The following PTPN5 variants were observed in gnomAD, a reference collection of about 807,000 sequenced individuals.
The protein encoded by PTPN5 is tyrosine-protein phosphatase non-receptor type 5.
PTPN5 carries 29 observed loss-of-function variants against 73.9 expected under a neutral mutation model. The ratio of observed to expected loss-of-function variants is 0.39; its 90% confidence interval spans 0.29 to 0.54. PTPN5 has a LOEUF of 0.54. Ranked by LOEUF, PTPN5 falls within the 20% of genes least tolerant of loss-of-function variation. PTPN5 has a pLI of 0.65. For synonymous variants in PTPN5, 267 were observed against 304.7 expected (o/e 0.88, Z 1.29); for missense variants, 652 against 751.4 (o/e 0.87, Z 1.55).
At chr11:18,759,907 CAG>C (rs887022680) in intron 3 of PTPN5, among the ~76,000 whole-genome samples, 2 of 150,048 alleles carry the variant, frequency 1.3e-5, no homozygotes, top group South Asian at 2.2e-4. Flanking sequence ...TTTGTGAAAA[CAG>C]GGGCTAGCAG....
At chr11:18,773,351 G>A (rs1212195705) in intron 1 of PTPN5, among the ~76,000 whole-genome samples, 1 of 152,040 alleles carries the variant, frequency 6.6e-6, no homozygotes, top group Non-Finnish European at 1.5e-5. Context: ...GGGGTCTCCG[G>A]GCCTGGGAAG....
intron 3 of PTPN5, chr11:18,749,533 G>A (rs1849791281): frequency 1.9e-6 from 1 of 518,444 alleles, no homozygotes; most frequent in Admixed American, 1.9e-5. Flanking sequence ...GGGGGCCACG[G>A]TGCAGATTTT....
At chr11:18,743,655 C>A in intron 4 of PTPN5, 1 of 594,418 alleles carries the variant, frequency 1.7e-6, no homozygotes, top group Non-Finnish European at 3.0e-6. Context: ...AAGCCCTTTC[C>A]AGAGAGGACC....
Position 18,742,518 on chromosome 11 carries a change from C to T in PTPN5, c.484-15G>A, listed in dbSNP as rs544923448. The stretch of plus-strand genomic sequence containing the variant: ...AGGTGCCACACCTGGTTGGGGTGTA[C>T]AGCATCACAGATTTCGGACCACGCT... On this transcript the variant is annotated splice_polypyrimidine_tract_variant and intron_variant, in intron 6 of 14. Coordinates refer to ENST00000358540, the MANE Select transcript of PTPN5 (RefSeq NM_006906.2). This position sits in a 1 kb window ranked among gnomAD's most constrained non-coding sequence, Gnocchi z 4.1. 5.0e-6 allele frequency: 8 copies of T among 1,610,870 alleles called. No individual in the cohort carries two copies. The highest frequency in any genetic ancestry group is 2.2e-5 in the East Asian group (1 of 44,840).
intron 1 of PTPN5, among the ~76,000 whole-genome samples, chr11:18,788,919 G>A (rs890488639): frequency 3.3e-5 from 5 of 152,240 alleles, no homozygotes; most frequent in African/African-American, 1.2e-4. Flanking sequence ...TATAGGAAGA[G>A]CTTTTGACAC....
At chr11:18,790,600 T>A (rs1344393785) in intron 1 of PTPN5, among the ~76,000 whole-genome samples, 1 of 152,082 alleles carries the variant, frequency 6.6e-6, no homozygotes, top group Non-Finnish European at 1.5e-5. Context: ...CCTCTCCCCT[T>A]TTTTTGGTAC....
At position 18,742,921 on chromosome 11, in the gene PTPN5, G is replaced by T; in HGVS notation, c.483+71C>A. On this transcript the variant is annotated intron_variant, in intron 6 of 14. Transcript: ENST00000358540. This position sits in a 1 kb window ranked among gnomAD's most constrained non-coding sequence, Gnocchi z 4.1. The stretch of plus-strand genomic sequence containing the variant: ...AATGTCCAGCCTATAAGTCAGATGG[G>T]AGCTGGTAGAAATCCAGGCCTCAAG... 9.8e-7 allele frequency: 1 copy of T among 1,018,206 alleles called. No individual in the cohort carries two copies. The highest frequency in any genetic ancestry group is 1.5e-6 in the Non-Finnish European group (1 of 662,980). 63.1% of individuals were successfully genotyped at this position (1,018,206 alleles called of 1,614,324 possible). A position where few individuals can be genotyped will look rare whatever the true frequency, so the allele number is the denominator to read the frequency against.
intron 3 of PTPN5, among the ~76,000 whole-genome samples, chr11:18,761,714 A>G (rs1850398492): frequency 6.6e-6 from 1 of 152,132 alleles, no homozygotes; most frequent in South Asian, 2.1e-4. Context: ...GTCATTTTCA[A>G]GAGTGTGCGT....
intron 3 of PTPN5, among the ~76,000 whole-genome samples, chr11:18,752,018 G>T (rs376250271): frequency 6.3e-4 from 96 of 152,266 alleles, no homozygotes; most frequent in African/African-American, 2.2e-3. Flanking sequence ...ATCACATGAG[G>T]ACAGGAGTTC....
chr11:18,791,354 C>T (rs894715896), intron 1 of PTPN5, among the ~76,000 whole-genome samples, 171 bp downstream of exon 1: 10 of 152,202 alleles, frequency 6.6e-5, no homozygotes, highest in Non-Finnish European at 1.3e-4. Context: ...GGACCCCTCC[C>T]CCAGCATGCG....
chr11:18,732,544 G>T (rs1184418910), intron 12 of PTPN5, 48 bp downstream of exon 12: 1 of 1,417,854 alleles, frequency 7.1e-7, no homozygotes, highest in Non-Finnish European at 1.0e-6. Context: ...CCCCAGTTAA[G>T]CCCCTACACT....
rs555519969 is a variant in PTPN5, at chr11:18,737,979, C to T, written c.916-15G>A. 6.2e-7 allele frequency: 1 copy of T among 1,610,966 alleles called. No homozygotes were observed. Among genetic ancestry groups the T allele is most frequent in the South Asian group, 1.1e-5 (1 of 91,018 alleles). ...ATGGGGATTTCCTGTGGAAGGAGGACACGGGGTGTGAGCAGCTATGGGCCC... is the reference window on the plus strand; with the variant it reads ...ATGGGGATTTCCTGTGGAAGGAGGATACGGGGTGTGAGCAGCTATGGGCCC... On this transcript the variant is annotated splice_polypyrimidine_tract_variant and intron_variant, in intron 8 of 14. Transcript: ENST00000358540.
chr11:18,743,367 G>C lies in PTPN5; in HGVS notation c.354C>G (p.Asn118Lys), dbSNP rs200512138. 19 of 1,614,044 alleles carry C rather than the reference G, an allele frequency of 1.2e-5. No homozygotes were observed. The highest frequency in any genetic ancestry group is 1.5e-5 in the Non-Finnish European group (18 of 1,180,038). The change falls in exon 5 of 15, where the codon AAC becomes AAG. Residue 118 changes from asparagine (N) to lysine (K), a missense_variant. Physicochemically the swap from Asn to Lys is moderately conservative, Grantham distance 94. Around this residue, in one of 3 missense-constraint regions of PTPN5, gnomAD observed 529 missense variants for 573.9 expected, o/e 0.92. Transcript: ENST00000358540. ...YGHIWSQNAT[N>K]LVSSLLTLLK... is the part of the protein sequence containing the mutation. ...GGAGCGTCAGCAAAGAGGAGACGAG[G>C]TTTGTGGCGTTCTGTGACCAGATGT...
intron 12 of PTPN5, among the ~76,000 whole-genome samples, chr11:18,731,410 AC>A (rs1848871507): frequency 6.6e-6 from 1 of 152,138 alleles, no homozygotes; most frequent in South Asian, 2.1e-4. Flanking sequence ...ACAGTATCCA[AC>A]CCAGAACCAA....
intron 3 of PTPN5, among the ~76,000 whole-genome samples, chr11:18,750,413 C>T (rs917753111): frequency 6.6e-6 from 1 of 152,158 alleles, no homozygotes; most frequent in Non-Finnish European, 1.5e-5. Context: ...CTCCTAGGAC[C>T]AGGCATTCTG....
intron 1 of PTPN5, among the ~76,000 whole-genome samples, chr11:18,777,205 A>G (rs1168406415): frequency 1.3e-5 from 2 of 152,160 alleles, no homozygotes; most frequent in African/African-American, 2.4e-5. Context: ...TAGTAAACAC[A>G]TAGGCTTTGG....
intron 3 of PTPN5, among the ~76,000 whole-genome samples, chr11:18,753,296 TG>T (rs1389236297): frequency 2.0e-5 from 3 of 152,220 alleles, no homozygotes; most frequent in South Asian, 2.1e-4. Flanking sequence ...CTGGACTCTC[TG>T]GCTGTGTGAT....
chr11:18,761,198 G>C (rs1421964259), intron 3 of PTPN5, among the ~76,000 whole-genome samples: 1 of 152,228 alleles, frequency 6.6e-6, no homozygotes, highest in African/African-American at 2.4e-5. Flanking sequence ...TGATGATGCT[G>C]CTGAGAGCAA....
chr11:18,774,285 C>CA (rs1401649067), intron 1 of PTPN5, among the ~76,000 whole-genome samples: 5 of 152,244 alleles, frequency 3.3e-5, no homozygotes. Flanking sequence ...AAACCACCAA[C>CA]AAAGGCACAG....
Sources: gnomAD v4.1 joint callset for allele counts (sites outside exome capture counted in the v4.1 genomes callset) on GRCh38, gnomAD v4.1.1 for gene constraint, gnomAD v4.1.1 regional missense constraint, Gnocchi (gnomAD v3.1) non-coding constraint, MANE v1.5 for transcripts, NCBI Gene and HGNC (gene_info 2026-07-23, HGNC 2026-07-21) for gene names.